The following CCT8 variants were observed in gnomAD, a reference collection of about 807,000 sequenced individuals.
CCT8 encodes the protein T-complex protein 1 subunit theta.
A neutral mutation model predicts 65.7 loss-of-function variants in CCT8; 10 were observed. That is an observed-to-expected ratio of 0.15 (90% CI 0.09 to 0.26). The LOEUF is 0.26. CCT8 is among the 10% of genes least tolerant of loss of function. The pLI is 1.00. For synonymous variants in CCT8, 199 were observed against 221.8 expected, an observed-to-expected ratio of 0.90 and a Z score of 0.92; for missense variants, 568 against 669.1, an observed-to-expected ratio of 0.85 and a Z score of 1.67.
chr21:29,057,793 G>C (rs2085519802), intron 14 of CCT8, among the ~76,000 whole-genome samples: 1 of 142,216 alleles, frequency 7.0e-6, no homozygotes, highest in Non-Finnish European at 1.5e-5. Flanking sequence ...AGATATGTAT[G>C]ATATATACAT....
At chr21:29,064,885 A>G in intron 7 of CCT8, 83 bp downstream of exon 7, 2 of 1,187,814 alleles carry the variant, frequency 1.7e-6, no homozygotes, top group Non-Finnish European at 2.4e-6. Flanking sequence ...TTTTTTAAGA[A>G]GTACTTACTG....
At chr21:29,058,282 CA>C (rs930416782) in intron 14 of CCT8, 8 of 150,744 alleles carry the variant, frequency 5.3e-5, no homozygotes, top group East Asian at 2.0e-4. Context: ...ACTAAAAATA[CA>C]AAAAAAAATT....
chr21:29,065,888 C>T (rs1043806857), intron 6 of CCT8, among the ~76,000 whole-genome samples: 4 of 152,002 alleles, frequency 2.6e-5, no homozygotes, highest in Non-Finnish European at 1.5e-5. Context: ...CGAGACCAGC[C>T]TGGCCAACAT....
At chr21:29,071,986 A>G (rs2085685473) in intron 1 of CCT8, 2 of 700,902 alleles carry the variant, frequency 2.9e-6, no homozygotes, top group Non-Finnish European at 5.2e-6. Context: ...TCAGCCCTAC[A>G]ACCTGTTGTT....
rs760436782 is a variant in CCT8, at chr21:29,073,617, C to A, written c.-27G>T. ...GCCAGCCTGCAGGAAGCAGTTCACG[C>A]GACCGCTCGGAAGACCGCGGAGGAA... On this transcript the variant is annotated 5_prime_UTR_variant, in exon 1 of 15. Transcript: ENST00000286788. 14 of 1,611,928 alleles carry A rather than the reference C, an allele frequency of 8.7e-6. No homozygotes were observed. In the Admixed American group the frequency reaches 2.3e-4, roughly 27 times the overall value.
chr21:29,067,892 T>C (rs2085641389), intron 3 of CCT8, among the ~76,000 whole-genome samples, 187 bp from the exon 4 acceptor site: 1 of 152,226 alleles, frequency 6.6e-6, no homozygotes, highest in African/African-American at 2.4e-5. Flanking sequence ...TTTATGCCGA[T>C]CAGCACAAAT....
chr21:29,066,732 C>T lies in CCT8; in HGVS notation c.608G>A (p.Arg203Lys). 3.7e-6 allele frequency: 6 copies of T among 1,606,960 alleles called. No individual in the cohort carries two copies. The highest frequency in any genetic ancestry group is 4.3e-6 in the Non-Finnish European group (5 of 1,176,254). Reference protein sequence around the residue: ...DSGHFNVDNIRVCKILGSGIS... With the variant: ...DSGHFNVDNIKVCKILGSGIS... Reference sequence around the variant, plus strand: ...TCTACTTACCAGAATTTTACAAACTCTGATGTTATCAACATTGAAATGGCC... The same window carrying T: ...TCTACTTACCAGAATTTTACAAACTTTGATGTTATCAACATTGAAATGGCC... Residue 203 changes from arginine to lysine, a missense_variant, in exon 6 of 15, where the codon AGA becomes AAA. Coordinates refer to ENST00000286788, the MANE Select transcript of CCT8 (RefSeq NM_006585.4).
At chr21:29,057,871 CA>C (rs2085521663) in intron 14 of CCT8, among the ~76,000 whole-genome samples, 1 of 151,056 alleles carries the variant, frequency 6.6e-6, no homozygotes, top group South Asian at 2.1e-4. Flanking sequence ...ATATCTCAGC[CA>C]ACCATGACAG....
chr21:29,063,137 A>G (rs1310982535), intron 8 of CCT8, among the ~76,000 whole-genome samples: 2 of 152,056 alleles, frequency 1.3e-5, no homozygotes, highest in African/African-American at 2.4e-5. Flanking sequence ...TCCCTCTTCA[A>G]TTATCTGGTA....
chr21:29,060,915 T>C (rs1328424513), intron 13 of CCT8, among the ~76,000 whole-genome samples: 1 of 152,204 alleles, frequency 6.6e-6, no homozygotes, highest in Non-Finnish European at 1.5e-5. Flanking sequence ...TCTCATATAC[T>C]TTAAATCGTC....
chr21:29,062,233 A>G lies in CCT8; in HGVS notation c.1107T>C (p.Asp369=). Residue 369 remains aspartate, a synonymous_variant, in exon 11 of 15, where the codon GAT becomes GAC. Coordinates refer to ENST00000286788, the MANE Select transcript of CCT8 (RefSeq NM_006585.4). The part of the protein sequence containing the change: ...QVVVFKHEKE[D]GAISTIVLRG... The stretch of plus-strand genomic sequence containing the variant: ...GAAGTACTATGGTAGAAATGGCGCC[A>G]TCTTCCTTTTCTATCAAAAAATTAA... The G allele has an allele frequency of 6.2e-7, 1 of 1,613,200 alleles. No homozygotes were observed. The highest frequency in any genetic ancestry group is 8.5e-7 in the Non-Finnish European group (1 of 1,179,240).
At chr21:29,067,201 G>T in intron 4 of CCT8, 130 bp from the exon 5 acceptor site, 1 of 643,448 alleles carries the variant, frequency 1.6e-6, no homozygotes, top group South Asian at 2.9e-5. Flanking sequence ...ACATATAGTA[G>T]ACTCTACTAG....
At chr21:29,062,073 G>T in intron 11 of CCT8, 55 bp downstream of exon 11, 1 of 1,161,242 alleles carries the variant, frequency 8.6e-7, no homozygotes, top group South Asian at 1.2e-5. Context: ...GTACTTTTAA[G>T]ACCATACAAA....
chr21:29,065,237 T>C, intron 6 of CCT8, 132 bp from the exon 7 acceptor site: 1 of 880,600 alleles, frequency 1.1e-6, no homozygotes, highest in South Asian at 1.6e-5. Flanking sequence ...ACTCCTGGGA[T>C]AAGGGGTGGA....
At chr21:29,068,494 C>G (rs1312019004) in intron 3 of CCT8, among the ~76,000 whole-genome samples, 1 of 151,880 alleles carries the variant, frequency 6.6e-6, no homozygotes, top group Non-Finnish European at 1.5e-5. Context: ...GAGTCTTGCT[C>G]TGTCGCCCAG....
rs2085684000 is a variant in CCT8 at position 29,071,883 on chromosome 21, C to A, written c.61-1546G>T. ...TTCCCAACCAGCTTAGGATAAAATG[C>A]AAATCCCTTTTCAAGGAAACAAGGC... is the stretch of plus-strand genomic sequence containing the variant. On this transcript the variant is annotated intron_variant, in intron 1 of 14. Transcript: ENST00000286788. 3 of 695,670 alleles carry A rather than the reference C, an allele frequency of 4.3e-6. No individual in the cohort carries two copies. In the Admixed American group the frequency reaches 6.2e-5, roughly 14 times the overall value. 43.1% of individuals were successfully genotyped at this position (695,670 alleles called of 1,614,324 possible).
intron 1 of CCT8, among the ~76,000 whole-genome samples, chr21:29,073,033 G>GT (rs2085700263): frequency 6.6e-6 from 1 of 152,288 alleles, no homozygotes; most frequent in Middle Eastern, 3.4e-3. Flanking sequence ...GCTGAAAGCC[G>GT]TATGTTTCTC....
chr21:29,057,411 C>T (rs1297938866), intron 14 of CCT8, among the ~76,000 whole-genome samples: 2 of 151,196 alleles, frequency 1.3e-5, no homozygotes, highest in African/African-American at 2.4e-5. Context: ...ATGATCCACC[C>T]GCCTCAGCCT....
chr21:29,058,497 A>G (rs2085528660), intron 14 of CCT8, among the ~76,000 whole-genome samples: 1 of 152,172 alleles, frequency 6.6e-6, no homozygotes, highest in Non-Finnish European at 1.5e-5. Context: ...AGTGGGCACC[A>G]TAATCAAAAG....
Sources: gnomAD v4.1 joint callset for allele counts (sites outside exome capture counted in the v4.1 genomes callset) on GRCh38, gnomAD v4.1.1 for gene constraint, MANE v1.5 for transcripts, NCBI Gene and HGNC (gene_info 2026-07-23, HGNC 2026-07-21) for gene names.